Variants in PDE8B observed in about 807,000 individuals in gnomAD.
The protein encoded by PDE8B is high affinity cAMP-specific and IBMX-insensitive 3',5'-cyclic phosphodiesterase 8B.
A neutral mutation model predicts 101.3 loss-of-function variants in PDE8B; 26 were observed. The observed-to-expected ratio is 0.26, with a 90% CI of 0.19 to 0.36. PDE8B has a LOEUF of 0.36. Ranked by LOEUF, PDE8B falls within the 10% of genes least tolerant of loss-of-function variation. The pLI is 1.00. For missense variants in PDE8B, 810 were observed against 1,163.1 expected (o/e 0.70, Z 4.42); for synonymous variants, 424 against 429.3 (o/e 0.99, Z 0.15).
intron 19 of PDE8B, among the ~76,000 whole-genome samples, chr5:77,420,853 T>G (rs1470963338): frequency 1.3e-5 from 2 of 152,220 alleles, no homozygotes; most frequent in Admixed American, 1.3e-4. Context: ...GCAGTATTTA[T>G]AGTAAACAGT....
rs569962177 is a variant in PDE8B at position 77,327,161 on chromosome 5, G to C, written c.590+1432G>C. ...CACACATTCCCTGGGGAGATGGGTG[G>C]GTGACACGCTCCTGGCAGATGTGCA... On this transcript the variant is annotated intron_variant, in intron 3 of 21. Transcript: ENST00000264917. Among the ~76,000 whole-genome samples the C allele has an allele frequency of 5.8e-4, 89 of 152,230 alleles. 1 individual carries two copies. Among genetic ancestry groups the C allele is most frequent in the Non-Finnish European group, 9.3e-4 (63 of 68,022 alleles).
At chr5:77,237,478 A>G (rs116783698) in intron 1 of PDE8B, among the ~76,000 whole-genome samples, 183 of 152,260 alleles carry the variant, frequency 1.2e-3, no homozygotes, top group African/African-American at 4.3e-3. Flanking sequence ...TAGAAACGAT[A>G]TTCTATGTCT....
chr5:77,253,288 A>G (rs1758449740), intron 1 of PDE8B, among the ~76,000 whole-genome samples: 1 of 152,206 alleles, frequency 6.6e-6, no homozygotes, highest in Non-Finnish European at 1.5e-5. Context: ...GTCACACTTG[A>G]AAATTCTTCA....
chr5:77,290,280 C>T, intron 1 of PDE8B: 1 of 1,557,662 alleles, frequency 6.4e-7, no homozygotes, highest in Non-Finnish European at 8.8e-7. Context: ...GTCCACTCTC[C>T]TCATCAATCA....
At chr5:77,286,479 A>T (rs991374133) in intron 1 of PDE8B, among the ~76,000 whole-genome samples, 1 of 152,238 alleles carries the variant, frequency 6.6e-6, no homozygotes. Flanking sequence ...CCCTCATGGC[A>T]AAACTGAAAA....
At chr5:77,274,525 G>T (rs954675104) in intron 1 of PDE8B, among the ~76,000 whole-genome samples, 38 of 152,168 alleles carry the variant, frequency 2.5e-4, no homozygotes, top group African/African-American at 8.7e-4. Flanking sequence ...TGCAGTGATG[G>T]CCAACCTGGC....
At chr5:77,251,429 C>T (rs1180171398) in intron 1 of PDE8B, among the ~76,000 whole-genome samples, 3 of 152,194 alleles carry the variant, frequency 2.0e-5, no homozygotes, top group African/African-American at 2.4e-5. Flanking sequence ...GGCATGCCCC[C>T]CTTCTTTATT....
chr5:77,097,252 C>A, the PDE8B span, among the ~76,000 whole-genome samples: 1 of 152,106 alleles, frequency 6.6e-6, no homozygotes, highest in African/African-American at 2.4e-5. Context: ...AATGGGGAGC[C>A]ACGGTGGGAG....
intron 10 of PDE8B, among the ~76,000 whole-genome samples, chr5:77,394,252 C>A (rs748615224): frequency 7.9e-5 from 12 of 152,096 alleles, no homozygotes; most frequent in Non-Finnish European, 1.2e-4. Context: ...AGCTCTTAGT[C>A]AGGTGAGGGA....
the PDE8B span, among the ~76,000 whole-genome samples, chr5:77,090,471 C>T: frequency 6.6e-6 from 1 of 152,306 alleles, no homozygotes; most frequent in East Asian, 1.9e-4. Flanking sequence ...GACGGGGTTT[C>T]ACTGTGTTAG....
intron 1 of PDE8B, among the ~76,000 whole-genome samples, chr5:77,238,924 AC>A (rs1755213831): frequency 6.6e-6 from 1 of 152,216 alleles, no homozygotes; most frequent in Non-Finnish European, 1.5e-5. Flanking sequence ...TATGATGTCC[AC>A]CCACTTGGTG....
Position 77,325,220 on chromosome 5 carries a change from T to C in PDE8B, c.400-319T>C, listed in dbSNP as rs147401904. Among the ~76,000 whole-genome samples, 80 of 152,290 alleles carry C rather than the reference T, an allele frequency of 5.3e-4. No individual in the cohort carries two copies. The East Asian group carries it at 0.014, about 28-fold the overall frequency. The stretch of plus-strand genomic sequence containing the variant: ...GTCTCACTCTGTTGCCCAGCTGGAG[T>C]GCAGTGGTGCAATCATGGTTCACTG... On this transcript the variant is annotated intron_variant, in intron 2 of 21. Coordinates refer to ENST00000264917, the MANE Select transcript of PDE8B (RefSeq NM_003719.5).
intron 10 of PDE8B, among the ~76,000 whole-genome samples, chr5:77,379,630 G>A (rs991513982): frequency 3.3e-5 from 5 of 152,158 alleles, no homozygotes; most frequent in Non-Finnish European, 7.3e-5. Context: ...CTATGTAAAG[G>A]CAGTCACTGA....
chr5:77,097,717 A>ATATATATATATATC, the PDE8B span, among the ~76,000 whole-genome samples: 2 of 41,012 alleles, frequency 4.9e-5, no homozygotes, highest in East Asian at 2.1e-3. Context: ...CTATATATAT[A>ATATATATATATATC]TATATATATA....
intron 5 of PDE8B, 152 bp downstream of exon 5, chr5:77,331,611 A>G (rs9687030): frequency 0.44 from 318,786 of 724,622 alleles, 72,010 homozygotes; most frequent in African/African-American, 0.55. Context: ...TCTCATGGGA[A>G]AGTAACGAGC....
At position 77,332,362 on chromosome 5, in the gene PDE8B, T is replaced by C. The variant is rs547796946; in HGVS notation, c.708+903T>C. ...AGGACCATGGTTTACTTATACAGCT[T>C]TTGCTGATAATCTAAACGCAAGTAA... On this transcript the variant is annotated intron_variant, in intron 5 of 21. Coordinates refer to ENST00000264917, the MANE Select transcript of PDE8B (RefSeq NM_003719.5). Among the ~76,000 whole-genome samples the C allele has an allele frequency of 5.9e-5, 9 of 152,318 alleles. No individual in the cohort carries two copies. In the South Asian group the frequency reaches 8.3e-4, roughly 14 times the overall value.
the PDE8B span, among the ~76,000 whole-genome samples, chr5:77,120,341 CAT>C: frequency 6.6e-6 from 1 of 152,196 alleles, no homozygotes; most frequent in African/African-American, 2.4e-5. Context: ...TTGGGTTACA[CAT>C]GTCAATGTAC....
the PDE8B span, among the ~76,000 whole-genome samples, chr5:77,164,202 T>C: frequency 1.3e-5 from 2 of 152,182 alleles, no homozygotes; most frequent in South Asian, 4.1e-4. Flanking sequence ...CCAATTGGCA[T>C]TGTGGAACCT....
intron 1 of PDE8B, among the ~76,000 whole-genome samples, chr5:77,293,750 C>T (rs1202430197): frequency 6.6e-6 from 1 of 152,316 alleles, no homozygotes; most frequent in East Asian, 1.9e-4. Context: ...TGCATGCTTG[C>T]CAGCAATTAA....
Sources: allele counts gnomAD v4.1 joint callset (sites outside exome capture counted in the v4.1 genomes callset), GRCh38; gene constraint gnomAD v4.1.1; transcripts MANE v1.5; gene names NCBI Gene and HGNC (gene_info 2026-07-23, HGNC 2026-07-21).